Variants in PLEKHA2 observed in about 807,000 individuals in gnomAD.
PLEKHA2 encodes the protein pleckstrin homology domain containing A2, also known as pleckstrin homology domain-containing family A member 2.
PLEKHA2 carries 28 observed loss-of-function variants against 53.2 expected under a neutral mutation model. The ratio of observed to expected loss-of-function variants is 0.53; its 90% confidence interval spans 0.39 to 0.72. PLEKHA2 has a LOEUF of 0.72. Ranked by LOEUF, PLEKHA2 falls within the 30% of genes least tolerant of loss-of-function variation. PLEKHA2 has a pLI of 0.00. For missense variants in PLEKHA2, 426 were observed against 537.9 expected (o/e 0.79, Z 2.06); for synonymous variants, 193 against 196.4 (o/e 0.98, Z 0.14).
chr8:38,969,155 G>C (rs1208861192), intron 11 of PLEKHA2, among the ~76,000 whole-genome samples: 1 of 151,932 alleles, frequency 6.6e-6, no homozygotes, highest in Non-Finnish European at 1.5e-5. Context: ...CTTGCCTCGG[G>C]CTCCCAAAGT....
rs62503458 is a variant in PLEKHA2 at position 38,902,575 on chromosome 8, G to A, written c.-24+1130G>A. Among the ~76,000 whole-genome samples the A allele has an allele frequency of 2.8e-3, 432 of 152,236 alleles. 2 individuals carry two copies. The highest frequency in any genetic ancestry group is 0.01 in the Middle Eastern group (3 of 294). On this transcript the variant is annotated intron_variant, in intron 1 of 11. Coordinates refer to ENST00000617275, the MANE Select transcript of PLEKHA2 (RefSeq NM_021623.2). ...GAAGGCTGAGCTGTAGATGCACTTG[G>A]GGCTGAAGTCCCAAGATTGCACTAA...
chr8:38,918,893 C>G (rs572852463), intron 2 of PLEKHA2, among the ~76,000 whole-genome samples: 2 of 152,350 alleles, frequency 1.3e-5, no homozygotes, highest in East Asian at 3.9e-4. Flanking sequence ...GGTGTCTGCT[C>G]TCACACGCAG....
chr8:38,932,910 G>A (rs1057463955), intron 2 of PLEKHA2, among the ~76,000 whole-genome samples: 1 of 152,216 alleles, frequency 6.6e-6, no homozygotes, highest in African/African-American at 2.4e-5. Flanking sequence ...GAAGGGGTGA[G>A]GACCCCTGCC....
intron 3 of PLEKHA2, 135 bp from the exon 4 acceptor site, chr8:38,943,654 T>A: frequency 1.5e-6 from 1 of 674,840 alleles, no homozygotes; most frequent in Non-Finnish European, 2.4e-6. Flanking sequence ...GTACAGGGTT[T>A]TCATTTAATT....
rs114383005 is a variant in PLEKHA2, at chr8:38,907,796, C to T, written c.-24+6351C>T. 9.7e-3 allele frequency among the ~76,000 whole-genome samples: 1,452 copies of T among 150,352 alleles called. 27 individuals carry two copies. Among genetic ancestry groups the T allele is most frequent in the African/African-American group, 0.034 (1,378 of 40,890 alleles). On this transcript the variant is annotated intron_variant, in intron 1 of 11. Transcript: ENST00000617275. The stretch of plus-strand genomic sequence containing the variant: ...AAAAATTAATCTATTCATCTTTTCA[C>T]TCATCCAGCCAGCCACTTATTTTAT...
chr8:38,968,733 GT>G, intron 11 of PLEKHA2, 64 bp downstream of exon 11: 1 of 1,564,592 alleles, frequency 6.4e-7, no homozygotes, highest in Non-Finnish European at 8.8e-7. Flanking sequence ...AAGCAGGCAT[GT>G]TTTATTTGGT....
intron 7 of PLEKHA2, 50 bp from the exon 8 acceptor site, chr8:38,952,586 A>G (rs781439408): frequency 7.7e-6 from 12 of 1,561,734 alleles, no homozygotes; most frequent in Non-Finnish European, 1.0e-5. Context: ...CACCCTCCAC[A>G]ATGCTGGGCA....
At chr8:38,937,509 A>AT (rs1252018090) in intron 3 of PLEKHA2, among the ~76,000 whole-genome samples, 1 of 150,890 alleles carries the variant, frequency 6.6e-6, no homozygotes, top group African/African-American at 2.4e-5. Flanking sequence ...TTTTTTTTTT[A>AT]TTTTTGGTTG....
intron 10 of PLEKHA2, among the ~76,000 whole-genome samples, chr8:38,965,673 G>C (rs942717025): frequency 8.6e-5 from 13 of 151,916 alleles, no homozygotes; most frequent in Non-Finnish European, 1.5e-4. Context: ...TTTGATCTTT[G>C]AGGTAGGAAT....
At chr8:38,944,260 A>G (rs1241929623) in intron 4 of PLEKHA2, among the ~76,000 whole-genome samples, 2 of 152,088 alleles carry the variant, frequency 1.3e-5, no homozygotes, top group East Asian at 3.9e-4. Context: ...CACACCTATA[A>G]TCCCAGCACG....
rs1391487267 is a variant in PLEKHA2, at chr8:38,968,625, A to T, written c.871A>T (p.Lys291Ter). 1 of 1,613,886 alleles carries T rather than the reference A, an allele frequency of 6.2e-7. No homozygotes were observed. Among genetic ancestry groups the T allele is most frequent in the Non-Finnish European group, 8.5e-7 (1 of 1,179,860 alleles). The part of the protein sequence containing the change: ...DSPEDMHSWI[K>*]EIGAAVQALK... ...TCCAGAAGACATGCACAGCTGGATT[A>T]AGGAGATTGGCGCAGCTGTCCAGGC... The change falls in exon 11 of 12, where the codon AAG becomes TAG. Residue 291 changes from lysine to a stop codon, truncating the protein, a stop_gained. Coordinates refer to ENST00000617275, the MANE Select transcript of PLEKHA2 (RefSeq NM_021623.2). LOFTEE classifies it high-confidence loss of function.
chr8:38,933,596 G>C (rs1275187521), intron 2 of PLEKHA2, among the ~76,000 whole-genome samples: 2 of 151,912 alleles, frequency 1.3e-5, no homozygotes, highest in Non-Finnish European at 2.9e-5. Flanking sequence ...CTGTGTCCCT[G>C]GAGCCCGTTG....
chr8:38,922,296 T>C lies in PLEKHA2; in HGVS notation c.141+4226T>C, dbSNP rs947946420. Among the ~76,000 whole-genome samples the C allele has an allele frequency of 6.6e-6, 1 of 152,160 alleles. No individual in the cohort carries two copies. Among genetic ancestry groups the C allele is most frequent in the Non-Finnish European group, 1.5e-5 (1 of 68,032 alleles). ...AAGGTAGGGCACTCGTGTGGCTTAG[T>C]TTTTTATCATAGTGTTTCCAGCATT... On this transcript the variant is annotated intron_variant, in intron 2 of 11. Transcript: ENST00000617275. The surrounding 1 kb of genome is among the most constrained non-coding windows in gnomAD (Gnocchi z 4.0).
chr8:38,953,912 A>G (rs1315930691), intron 9 of PLEKHA2, among the ~76,000 whole-genome samples: 1 of 152,208 alleles, frequency 6.6e-6, no homozygotes, highest in Non-Finnish European at 1.5e-5. Context: ...TCCTCTGTCC[A>G]CTAGGAAATA....
chr8:38,969,734 C>T lies in PLEKHA2; in HGVS notation c.1229C>T (p.Pro410Leu), dbSNP rs1318135701. ...RSEPQHPKEK[P>L]FMFNLDDENI... The stretch of plus-strand genomic sequence containing the variant: ...GAGCCCCAGCACCCCAAGGAGAAGC[C>T]GTTTATGTTCAACCTTGATGATGAA... Residue 410 changes from proline to leucine, a missense_variant, in exon 12 of 12, where the codon CCG becomes CTG. Pro to Leu is a moderately conservative substitution (Grantham distance 98). Coordinates refer to ENST00000617275, the MANE Select transcript of PLEKHA2 (RefSeq NM_021623.2). 8.0e-6 allele frequency: 11 copies of T among 1,376,438 alleles called. No individual in the cohort carries two copies. The highest frequency in any genetic ancestry group is 3.8e-5 in the East Asian group (1 of 26,422). The allele number at this position is 1,376,438 out of a possible 1,614,324, so 85.3% of individuals were successfully genotyped here. A position where few individuals can be genotyped will look rare whatever the true frequency, so the allele number is the denominator to read the frequency against.
intron 1 of PLEKHA2, among the ~76,000 whole-genome samples, chr8:38,909,068 G>A (rs562935785): frequency 6.6e-6 from 1 of 152,124 alleles, no homozygotes. Flanking sequence ...GCTTGAACCT[G>A]GGAGGCGGAG....
intron 2 of PLEKHA2, among the ~76,000 whole-genome samples, chr8:38,920,163 A>C (rs1433369532): frequency 1.4e-5 from 2 of 148,068 alleles, no homozygotes; most frequent in Non-Finnish European, 3.0e-5. Context: ...TTATTGATTT[A>C]GTTTTGAGAC....
At chr8:38,940,010 G>A (rs573954874) in intron 3 of PLEKHA2, among the ~76,000 whole-genome samples, 4 of 151,150 alleles carry the variant, frequency 2.6e-5, no homozygotes, top group Admixed American at 1.3e-4. Flanking sequence ...TGGGAGGATC[G>A]CTGGAGCCCA....
At chr8:38,912,773 G>C (rs946996966) in intron 1 of PLEKHA2, among the ~76,000 whole-genome samples, 1 of 152,138 alleles carries the variant, frequency 6.6e-6, no homozygotes, top group Non-Finnish European at 1.5e-5. Context: ...TGAACGTGCC[G>C]CTGCTGCGTG....
Sources: gnomAD v4.1 joint callset for allele counts (sites outside exome capture counted in the v4.1 genomes callset) on GRCh38, gnomAD v4.1.1 for gene constraint, Gnocchi (gnomAD v3.1) non-coding constraint, MANE v1.5 for transcripts, NCBI Gene and HGNC (gene_info 2026-07-23, HGNC 2026-07-21) for gene names.